The following NBPF26 variants were observed in gnomAD, a reference collection of about 807,000 sequenced individuals.
NBPF26 encodes the protein NBPF family member NBPF26.
NBPF26 carries 79 observed loss-of-function variants against 119.6 expected under a neutral mutation model. The observed-to-expected ratio is 0.66, with a 90% CI of 0.55 to 0.80. The LOEUF (loss-of-function observed/expected upper bound fraction) is 0.80, where lower values mean the gene tolerates loss of function less well. Ranked by LOEUF, NBPF26 falls within the 30% of genes least tolerant of loss-of-function variation. The probability of loss-of-function intolerance (pLI) is 0.00; values close to 1 mark genes in which losing one functional copy is unlikely to be tolerated. For missense variants in NBPF26, 800 were observed against 1,198.2 expected, an observed-to-expected ratio of 0.67 and a Z score of 4.91; for synonymous variants, 299 against 457.7, an observed-to-expected ratio of 0.65 and a Z score of 4.43.
chr1:120,759,824 AT>A (rs1322342462), intron 1 of NBPF26, among the ~76,000 whole-genome samples: 1 of 115,420 alleles, frequency 8.7e-6, no homozygotes, highest in Non-Finnish European at 1.6e-5. Context: ...AATATTTAAC[AT>A]TTTTTGAAAT....
rs1651648505 is a variant in NBPF26, at chr1:120,805,088, T to G, written c.752-468T>G. Among the ~76,000 whole-genome samples, 2 of 123,514 alleles carry G rather than the reference T, an allele frequency of 1.6e-5. 1 individual carries two copies. The highest frequency in any genetic ancestry group is 7.9e-5 in the African/African-American group (2 of 25,188). The allele number at this position is 123,514 out of a possible 152,430, so 81.0% of individuals were successfully genotyped here. ...AAGAGATAAACAGTGAGGAATATGC[T>G]TAGATGTATTGGGAAAGACACGGGT... On this transcript the variant is annotated intron_variant, in intron 4 of 29. Coordinates refer to ENST00000620612, the Ensembl canonical transcript of NBPF26.
At chr1:120,770,421 G>A (rs1172744922) in intron 2 of NBPF26, among the ~76,000 whole-genome samples, 4 of 111,394 alleles carry the variant, frequency 3.6e-5, no homozygotes, top group South Asian at 2.6e-4. Flanking sequence ...TGCCCGCCTC[G>A]GCCTCCCAAA....
downstream of NBPF26, among the ~76,000 whole-genome samples, chr1:120,842,136 C>G (rs1475601160): frequency 9.1e-6 from 1 of 109,558 alleles, no homozygotes; most frequent in Non-Finnish European, 1.7e-5. Context: ...TTGTTTTTTA[C>G]ATTCAGTGTT....
intron 1 of NBPF26, among the ~76,000 whole-genome samples, chr1:120,729,732 A>G (rs1650855981): frequency 8.5e-6 from 1 of 117,170 alleles, no homozygotes; most frequent in African/African-American, 5.0e-5. Context: ...TGATAAGAAT[A>G]GCTCAGGTGT....
intron 22 of NBPF26, among the ~76,000 whole-genome samples, 194 bp downstream of exon 26, chr1:120,832,354 C>G (rs1176840182): frequency 1.5e-4 from 15 of 99,688 alleles, no homozygotes; most frequent in South Asian, 3.4e-4. Context: ...GAGCAAGACT[C>G]TCTTCCTAGT....
At chr1:120,805,837 T>C in intron 5 of NBPF26, 72 bp downstream of exon 5, 1 of 1,152,800 alleles carries the variant, frequency 8.7e-7, no homozygotes. Flanking sequence ...CACTAAATGC[T>C]CTCTCCATCA....
At chr1:120,823,707 G>C (rs1432320715) in intron 17 of NBPF26, among the ~76,000 whole-genome samples, 3 of 114,716 alleles carry the variant, frequency 2.6e-5, no homozygotes, top group Non-Finnish European at 5.1e-5. Flanking sequence ...AGTGTCCTTT[G>C]ACTCCCTCAT....
chr1:120,806,344 C>G (rs1199283233), intron 5 of NBPF26, among the ~76,000 whole-genome samples: 1 of 112,160 alleles, frequency 8.9e-6, no homozygotes, highest in Non-Finnish European at 1.8e-5. Flanking sequence ...CCTATAATCT[C>G]AGCACTTTGG....
rs1309801613 is a variant in NBPF26 at position 120,730,577 on chromosome 1, T to A, written c.73+6327T>A. ...GTAGTGGTAGGAGGTTTGCCGTAGA[T>A]CTGTTTTTTCTCCTGTCTCACTTTT... On this transcript the variant is annotated intron_variant, in intron 1 of 29. Coordinates refer to ENST00000620612, the Ensembl canonical transcript of NBPF26. 3.5e-5 allele frequency among the ~76,000 whole-genome samples: 4 copies of A among 113,240 alleles called. 1 individual carries two copies. Among genetic ancestry groups the A allele is most frequent in the African/African-American group, 2.2e-4 (4 of 18,444 alleles). The allele number at this position is 113,240 out of a possible 152,430, so 74.3% of individuals were successfully genotyped here. A position where few individuals can be genotyped will look rare whatever the true frequency, so the allele number is the denominator to read the frequency against.
intron 4 of NBPF26, among the ~76,000 whole-genome samples, chr1:120,801,826 C>CAAAAAAAA (rs1168359637): frequency 2.2e-4 from 2 of 9,076 alleles, no homozygotes; most frequent in Non-Finnish European, 1.5e-4. Flanking sequence ...GACCCTGTCT[C>CAAAAAAAA]AAAAAAAAAA....
In NBPF26 at chr1:120,807,654, C is replaced by T. The variant is rs1553270292; in HGVS notation, c.1009C>T (p.Arg337Ter). 336 of 1,467,902 alleles carry T rather than the reference C, an allele frequency of 2.3e-4. 22 individuals are homozygous for T. Among genetic ancestry groups the T allele is most frequent in the Middle Eastern group, 9.3e-4 (4 of 4,322 alleles). The allele number at this position is 1,467,902 out of a possible 1,614,324, so 90.9% of individuals were successfully genotyped here. ...CATAAAATTTATGCTGAGGAATGAG[C>T]GACAGTTCAAGGAGGAGAAGCTTGC... is the stretch of plus-strand genomic sequence containing the variant. Residue 337 changes from arginine (R) to a stop codon, truncating the protein, a stop_gained, in exon 6 of 30, where the codon CGA becomes TGA. Transcript: ENST00000620612. LOFTEE classifies it high-confidence loss of function.
chr1:120,727,047 A>G (rs1650822603), intron 1 of NBPF26, among the ~76,000 whole-genome samples: 1 of 109,658 alleles, frequency 9.1e-6, no homozygotes. Flanking sequence ...CAGAAATTCT[A>G]TTTTGCCCAC....
Position 120,804,703 on chromosome 1 carries a change from T to A in NBPF26, c.752-853T>A, listed in dbSNP as rs1219359163. On this transcript the variant is annotated intron_variant, in intron 4 of 29. Transcript: ENST00000620612. ...ACATTAAAAAACACATCAACCCACA[T>A]AGAGGAAGAGCTTTGGACGTAGGGA... is the stretch of plus-strand genomic sequence containing the variant. Among the ~76,000 whole-genome samples the A allele has an allele frequency of 1.7e-5, 2 of 117,278 alleles. 1 individual carries two copies. The highest frequency in any genetic ancestry group is 3.3e-5 in the Non-Finnish European group (2 of 60,784). The allele number at this position is 117,278 out of a possible 152,430, so 76.9% of individuals were successfully genotyped here. A position where few individuals can be genotyped will look rare whatever the true frequency, so the allele number is the denominator to read the frequency against.
intron 2 of NBPF26, among the ~76,000 whole-genome samples, chr1:120,781,858 T>A (rs1651365889): frequency 8.5e-6 from 1 of 117,144 alleles, no homozygotes; most frequent in Admixed American, 8.2e-5. Flanking sequence ...GCACCTGGCT[T>A]AGCTGTAAAA....
intron 2 of NBPF26, among the ~76,000 whole-genome samples, chr1:120,778,633 G>T (rs1651328445): frequency 2.0e-5 from 1 of 50,726 alleles, no homozygotes; most frequent in Non-Finnish European, 3.2e-5. Context: ...AAAAAAAAAA[G>T]CTAAAGACAG....
intron 1 of NBPF26, among the ~76,000 whole-genome samples, chr1:120,728,807 ATTTGCT>A (rs1406337415): frequency 8.9e-6 from 1 of 111,742 alleles, no homozygotes. Flanking sequence ...AGTAAAGTAT[ATTTGCT>A]TTTTTTTTTT....
chr1:120,824,420 C>A (rs1652214995), intron 18 of NBPF26, among the ~76,000 whole-genome samples: 1 of 115,390 alleles, frequency 8.7e-6, no homozygotes, highest in South Asian at 2.6e-4. Flanking sequence ...GACAAATTCA[C>A]ACAACTCTGA....
intron 29 of NBPF26, 81 bp from the exon 36 acceptor site, chr1:120,840,269 T>C: frequency 6.9e-7 from 1 of 1,440,922 alleles, no homozygotes; most frequent in South Asian, 1.2e-5. Flanking sequence ...ACCACTTCCT[T>C]ATGTTACTTC....
rs1256273353 is a variant in NBPF26, at chr1:120,790,535, C to CCTTCCTTTCTTTCTTT, written c.416-2623_416-2622insCCTTTCTTTCTTTCTT. On this transcript the variant is annotated intron_variant, in intron 3 of 29. Coordinates refer to ENST00000620612, the Ensembl canonical transcript of NBPF26. ...TTGATTCTTTCTTTCTTTCTCCCTC[C>CCTTCCTTTCTTTCTTT]CTTTCTTTCTTTCTTTCTTTCTTTC... 1.8e-4 allele frequency among the ~76,000 whole-genome samples: 14 copies of CCTTCCTTTCTTTCTTT among 76,714 alleles called. 1 individual carries two copies. In the East Asian group the frequency reaches 4.5e-3, roughly 25 times the overall value. The allele number at this position is 76,714 out of a possible 152,430, so 50.3% of individuals were successfully genotyped here.
Sources: gnomAD v4.1 joint callset for allele counts (sites outside exome capture counted in the v4.1 genomes callset) on GRCh38, gnomAD v4.1.1 for gene constraint, MANE v1.5 for transcripts, NCBI Gene and HGNC (gene_info 2026-07-23, HGNC 2026-07-21) for gene names.